The following CLDN14 variants were observed in gnomAD, a reference collection of about 807,000 sequenced individuals.
CLDN14 encodes claudin 14.
Under a neutral mutation model 2.1 loss-of-function variants are expected in CLDN14, and 2 were observed. That is an observed-to-expected ratio of 0.96 (90% CI 0.39 to 3.01). The LOEUF (loss-of-function observed/expected upper bound fraction) is 3.01. Among genes scored for constraint, CLDN14 ranks in the 30% most tolerant of loss-of-function variants. CLDN14 has a pLI of 0.09. For synonymous variants in CLDN14, 136 were observed against 154.4 expected (o/e 0.88, Z 0.88); for missense variants, 298 against 328.0 (o/e 0.91, Z 0.71).
chr21:36,519,733 C>CAACAACAAA (rs1555851018), intron 1 of CLDN14, among the ~76,000 whole-genome samples: 1 of 150,666 alleles, frequency 6.6e-6, no homozygotes, highest in Non-Finnish European at 1.5e-5. Flanking sequence ...ACAACAACAA[C>CAACAACAAA]AAAACCCCAA....
chr21:36,563,142 G>T lies in CLDN14; in HGVS notation c.-220+13269C>A, dbSNP rs140137034. Among the ~76,000 whole-genome samples, 627 of 152,340 alleles carry T rather than the reference G, an allele frequency of 4.1e-3. 3 individuals are homozygous for T. Among genetic ancestry groups the T allele is most frequent in the Non-Finnish European group, 7.4e-3 (501 of 68,028 alleles). On this transcript the variant is annotated intron_variant, in intron 1 of 2. Coordinates refer to the CLDN14 transcript ENST00000342108. The stretch of plus-strand genomic sequence containing the variant: ...AATGATAGCAGCCTGAGATGCATGG[G>T]CTACATTCTCTGCTGCTTAGAGAAC...
chr21:36,569,767 G>A (rs1482712439), intron 1 of CLDN14, among the ~76,000 whole-genome samples: 2 of 152,198 alleles, frequency 1.3e-5, no homozygotes, highest in African/African-American at 4.8e-5. Flanking sequence ...CCCAACCCAA[G>A]CATCAATCTT....
At chr21:36,488,325 G>A (rs59059205) in intron 2 of CLDN14, among the ~76,000 whole-genome samples, 5,434 of 148,294 alleles carry the variant, frequency 0.037, 325 homozygotes, top group East Asian at 0.29. Flanking sequence ...AGGCTGGAGT[G>A]CAGTGGCGGG....
intron 1 of CLDN14, among the ~76,000 whole-genome samples, chr21:36,523,823 GAAAGAAAGAA>G (rs1555851406): frequency 7.0e-6 from 1 of 142,850 alleles, no homozygotes; most frequent in Admixed American, 6.9e-5. Flanking sequence ...AAGAAAGAAA[GAAAGAAAGAA>G]AGAAAGAAAG....
At chr21:36,512,166 C>G (rs1173596696) in intron 1 of CLDN14, among the ~76,000 whole-genome samples, 2 of 152,148 alleles carry the variant, frequency 1.3e-5, no homozygotes, top group African/African-American at 4.8e-5. Context: ...GAGGGAGGTG[C>G]TGTGCCATCC....
intron 1 of CLDN14, among the ~76,000 whole-genome samples, chr21:36,531,533 A>G (rs1029240358): frequency 5.9e-5 from 9 of 151,888 alleles, no homozygotes; most frequent in African/African-American, 1.9e-4. Flanking sequence ...CCAGAGTACT[A>G]AGATTACAGG....
rs1037262184 is a variant in CLDN14, at chr21:36,498,036, G to T, written c.-82+12327C>A. Among the ~76,000 whole-genome samples, 9 of 151,198 alleles carry T rather than the reference G, an allele frequency of 6.0e-5. No homozygotes were observed. Among genetic ancestry groups the T allele is most frequent in the African/African-American group, 2.2e-4 (9 of 41,112 alleles). Reference sequence around the variant, plus strand: ...TTTTTTTGAGATGGAGTTTTGCTCTGTTGCCCAGGCTGGAGTGCAGTGGTG... The same window carrying T: ...TTTTTTTGAGATGGAGTTTTGCTCTTTTGCCCAGGCTGGAGTGCAGTGGTG... On this transcript the variant is annotated intron_variant, in intron 2 of 2. Coordinates refer to the CLDN14 transcript ENST00000342108. This position sits in a 1 kb window ranked among gnomAD's most constrained non-coding sequence, Gnocchi z 4.9.
intron 1 of CLDN14, among the ~76,000 whole-genome samples, chr21:36,529,338 G>A (rs554412186): frequency 6.6e-6 from 1 of 151,858 alleles, no homozygotes; most frequent in Non-Finnish European, 1.5e-5. Context: ...GCCCAGGCTA[G>A]AGTGCAGTGG....
At chr21:36,521,800 A>C (rs2087273208) in intron 1 of CLDN14, among the ~76,000 whole-genome samples, 1 of 152,184 alleles carries the variant, frequency 6.6e-6, no homozygotes, top group Non-Finnish European at 1.5e-5. Context: ...GGAGGTCAGC[A>C]ATAGAAAGAG....
intron 2 of CLDN14, among the ~76,000 whole-genome samples, chr21:36,509,529 C>G (rs2087165871): frequency 6.6e-6 from 1 of 152,108 alleles, no homozygotes; most frequent in Admixed American, 6.6e-5. Flanking sequence ...GGGAGTGCTG[C>G]CAGTTCCATA....
chr21:36,567,291 T>C (rs934402663), intron 1 of CLDN14, among the ~76,000 whole-genome samples: 2 of 152,224 alleles, frequency 1.3e-5, no homozygotes, highest in African/African-American at 4.8e-5. Flanking sequence ...CAATCTGCCC[T>C]TGGAAGGGAA....
intron 1 of CLDN14, among the ~76,000 whole-genome samples, chr21:36,476,597 C>A (rs139548328): frequency 6.6e-6 from 1 of 152,190 alleles, no homozygotes; most frequent in Non-Finnish European, 1.5e-5. Context: ...GGATTACAGG[C>A]GCCTGCTACC....
intron 1 of CLDN14, among the ~76,000 whole-genome samples, chr21:36,478,979 CT>C (rs2086811412): frequency 2.0e-5 from 3 of 152,156 alleles, no homozygotes; most frequent in Admixed American, 1.3e-4. Flanking sequence ...ACTTCCCCCC[CT>C]CTCCTGCCAT....
chr21:36,561,925 G>A (rs1048309348), intron 1 of CLDN14, among the ~76,000 whole-genome samples: 1 of 135,404 alleles, frequency 7.4e-6, no homozygotes, highest in African/African-American at 2.6e-5. Context: ...AAGATTGAAG[G>A]AACCCTTTCT....
chr21:36,523,781 G>GAGAGAGAGAGAGAGAGAGAGAGAGAGAA (rs1568868851), intron 1 of CLDN14, among the ~76,000 whole-genome samples: 13 of 38,370 alleles, frequency 3.4e-4, no homozygotes, highest in African/African-American at 7.3e-4. Flanking sequence ...GAGAGAAAGA[G>GAGAGAGAGAGAGAGAGAGAGAGAGAGAA]AGAAAGAAAG....
chr21:36,568,319 G>A (rs2087686770), intron 1 of CLDN14, among the ~76,000 whole-genome samples: 1 of 152,070 alleles, frequency 6.6e-6, no homozygotes, highest in Non-Finnish European at 1.5e-5. Context: ...CCCACTTTAG[G>A]GTCCACCTGA....
At chr21:36,489,131 A>AAAAAAAAAAAATATATATAT in intron 2 of CLDN14, among the ~76,000 whole-genome samples, 16 of 62,732 alleles carry the variant, frequency 2.6e-4, no homozygotes, top group Non-Finnish European at 4.2e-4. Flanking sequence ...AAAAAAAAAA[A>AAAAAAAAAAAATATATATAT]ATATATATAT....
At chr21:36,501,921 A>G (rs1027221389) in intron 2 of CLDN14, among the ~76,000 whole-genome samples, 39 of 65,234 alleles carry the variant, frequency 6.0e-4, no homozygotes, top group Non-Finnish European at 1.7e-3. Context: ...ATTTGAAAAG[A>G]CCTTTTTTTT....
chr21:36,534,094 G>C (rs1315480565), intron 1 of CLDN14, among the ~76,000 whole-genome samples: 5 of 152,072 alleles, frequency 3.3e-5, no homozygotes, highest in Non-Finnish European at 1.5e-5. Context: ...GAGTGAAGTG[G>C]CTTTAAATTT....
Sources: gnomAD v4.1 joint callset for allele counts (sites outside exome capture counted in the v4.1 genomes callset) on GRCh38, gnomAD v4.1.1 for gene constraint, Gnocchi (gnomAD v3.1) non-coding constraint, MANE v1.5 for transcripts, NCBI Gene and HGNC (gene_info 2026-07-23, HGNC 2026-07-21) for gene names.